GJA3: variants seen among roughly 807,000 people sequenced by gnomAD.
GJA3 encodes the protein gap junction protein alpha 3, also known as gap junction alpha-3 protein.
For missense variants in GJA3, 571 were observed against 620.3 expected, an observed-to-expected ratio of 0.92 and a Z score of 0.84; for synonymous variants, 297 against 292.6, an observed-to-expected ratio of 1.02 and a Z score of -0.15.
chr13:20,143,350 G>C (rs748193928), intron 1 of GJA3, 45 bp from the exon 2 acceptor site: 1 of 1,389,794 alleles, frequency 7.2e-7, no homozygotes, highest in Non-Finnish European at 9.6e-7. Flanking sequence ...CAACGGCTGA[G>C]TGCCGGGTCC....
chr13:20,151,171 C>T lies in GJA3; in HGVS notation c.-17-7866G>A, dbSNP rs187078264. 1.6e-3 allele frequency among the ~76,000 whole-genome samples: 242 copies of T among 152,106 alleles called. 1 individual carries two copies. The highest frequency in any genetic ancestry group is 5.1e-3 in the African/African-American group (211 of 41,514). On this transcript the variant is annotated intron_variant, in intron 1 of 1. Transcript: ENST00000241125. ...CCAGGAGGCAGTCAGTGAGGGCAGG[C>T]GTGGGCAGAAGGTCTCCAGAGTGCT...
intron 1 of GJA3, among the ~76,000 whole-genome samples, chr13:20,156,513 T>C (rs1958907905): frequency 6.6e-6 from 1 of 152,164 alleles, no homozygotes; most frequent in South Asian, 2.1e-4. Flanking sequence ...GGTTTCACCA[T>C]GTTGGCCAGG....
In GJA3 at chr13:20,156,542, C is replaced by T. The variant is rs1593340171; in HGVS notation, c.-18+4348G>A. ...GGCCAGGCTGGTCTTGAACTCCTGA[C>T]CTCAGGTGATCTGTGCACCCTGGCC... On this transcript the variant is annotated intron_variant, in intron 1 of 1. Coordinates refer to ENST00000241125, the MANE Select transcript of GJA3 (RefSeq NM_021954.4). 2.0e-5 allele frequency among the ~76,000 whole-genome samples: 3 copies of T among 152,252 alleles called. No homozygotes were observed. In the South Asian group the frequency reaches 6.2e-4, roughly 32 times the overall value.
intron 1 of GJA3, among the ~76,000 whole-genome samples, chr13:20,148,246 T>C (rs948049055): frequency 1.5e-5 from 2 of 135,842 alleles, no homozygotes; most frequent in Non-Finnish European, 3.1e-5. Flanking sequence ...TTACCAATAC[T>C]ATGGTTCTTT....
In GJA3 at chr13:20,148,739, C is replaced by T. The variant is rs148712741; in HGVS notation, c.-17-5434G>A. Among the ~76,000 whole-genome samples the T allele has an allele frequency of 2.3e-3, 356 of 152,344 alleles. 2 individuals carry two copies. Among genetic ancestry groups the T allele is most frequent in the Non-Finnish European group, 3.1e-3 (211 of 68,036 alleles). On this transcript the variant is annotated intron_variant, in intron 1 of 1. Transcript: ENST00000241125. ...CTGCTGAACCATGTGTCCTGAGTAC[C>T]GCTGGGCAGAGGAAAAGACGGGCTT...
At chr13:20,157,904 G>C (rs952908865) in intron 1 of GJA3, among the ~76,000 whole-genome samples, 1 of 150,824 alleles carries the variant, frequency 6.6e-6, no homozygotes, top group Admixed American at 6.6e-5. Context: ...CACACTTATG[G>C]CTTACTGCAG....
At position 20,146,866 on chromosome 13, in the gene GJA3, A is replaced by G. The variant is rs144931830; in HGVS notation, c.-17-3561T>C. Among the ~76,000 whole-genome samples, 218 of 152,366 alleles carry G rather than the reference A, an allele frequency of 1.4e-3. 3 individuals carry two copies. In the East Asian group the frequency reaches 0.035, roughly 25 times the overall value. On this transcript the variant is annotated intron_variant, in intron 1 of 1. Transcript: ENST00000241125. ...AACAGAAATGTCTGGTAGAGGATGAACAGTTCCCTGAGCAGTGCTGGCTGG... is the reference window on the plus strand; with the variant it reads ...AACAGAAATGTCTGGTAGAGGATGAGCAGTTCCCTGAGCAGTGCTGGCTGG...
intron 1 of GJA3, among the ~76,000 whole-genome samples, chr13:20,148,304 C>G (rs1958855982): frequency 7.5e-6 from 1 of 133,610 alleles, no homozygotes. Flanking sequence ...GTCGCTCAGG[C>G]TAAGGTGCAG....
intron 1 of GJA3, among the ~76,000 whole-genome samples, chr13:20,143,992 T>C (rs1196018900): frequency 1.3e-5 from 2 of 152,164 alleles, no homozygotes; most frequent in Non-Finnish European, 1.5e-5. Flanking sequence ...GTTGATACAG[T>C]CTATGGGATA....
intron 1 of GJA3, among the ~76,000 whole-genome samples, chr13:20,154,723 G>A (rs1958898213): frequency 6.6e-6 from 1 of 152,074 alleles, no homozygotes; most frequent in African/African-American, 2.4e-5. Context: ...TTGCTAAAAA[G>A]TTTGTTCTGT....
At chr13:20,148,582 C>G (rs1958857870) in intron 1 of GJA3, among the ~76,000 whole-genome samples, 1 of 152,118 alleles carries the variant, frequency 6.6e-6, no homozygotes, top group African/African-American at 2.4e-5. Flanking sequence ...TAATCATATT[C>G]CTAATATCAC....
rs1459106644 is a variant in GJA3, at chr13:20,141,594, C to T, written c.*387G>A. ...TGGGCCGCCCAGAGGCTCTGGAGAG[C>T]TTAGGAATAGCAAACCCAATTGCCC... On this transcript the variant is annotated 3_prime_UTR_variant, in exon 2 of 2. Coordinates refer to ENST00000241125, the MANE Select transcript of GJA3 (RefSeq NM_021954.4). 2 of 185,572 alleles carry T rather than the reference C, an allele frequency of 1.1e-5. No homozygotes were observed. Among genetic ancestry groups the T allele is most frequent in the African/African-American group, 4.7e-5 (2 of 42,408 alleles). The allele number at this position is 185,572 out of a possible 1,614,324, so 11.5% of individuals were successfully genotyped here. A position where few individuals can be genotyped will look rare whatever the true frequency, so the allele number is the denominator to read the frequency against.
At chr13:20,152,842 CTA>C (rs2141143814) in intron 1 of GJA3, among the ~76,000 whole-genome samples, 2 of 152,286 alleles carry the variant, frequency 1.3e-5, no homozygotes, top group African/African-American at 4.8e-5. Flanking sequence ...AGAAAGAGTT[CTA>C]TGTTTAACTA....
chr13:20,157,862 C>A (rs994370165), intron 1 of GJA3, among the ~76,000 whole-genome samples: 1 of 146,436 alleles, frequency 6.8e-6, no homozygotes. Flanking sequence ...TACTTCATCA[C>A]AAATTTGAAT....
At chr13:20,150,014 A>G (rs1958867308) in intron 1 of GJA3, among the ~76,000 whole-genome samples, 2 of 152,222 alleles carry the variant, frequency 1.3e-5, no homozygotes, top group Non-Finnish European at 2.9e-5. Flanking sequence ...GACGAATGGA[A>G]AAAAGAAGGG....
In GJA3 at chr13:20,142,375, G is replaced by A. The variant is rs1330142037; in HGVS notation, c.914C>T (p.Ala305Val). 3 of 1,528,026 alleles carry A rather than the reference G, an allele frequency of 2.0e-6. No individual in the cohort carries two copies. Among genetic ancestry groups the A allele is most frequent in the Non-Finnish European group, 1.8e-6 (2 of 1,137,670 alleles). The allele number at this position is 1,528,026 out of a possible 1,614,324, so 94.7% of individuals were successfully genotyped here. A position where few individuals can be genotyped will look rare whatever the true frequency, so the allele number is the denominator to read the frequency against. ...CTTGGCGGACTGGCCCTTTCCGCGC[G>A]CCTCGGTCAGGGCTAGCAGTTTGAA... Reference protein sequence around the residue: ...ADFKLLALTEARGKGQSAKLY... With the variant: ...ADFKLLALTEVRGKGQSAKLY... The change falls in exon 2 of 2, where the codon GCG becomes GTG. Residue 305 changes from alanine to valine, a missense_variant. By Grantham distance (64) the Ala-to-Val change is moderately conservative (BLOSUM62 0). Coordinates refer to ENST00000241125, the MANE Select transcript of GJA3 (RefSeq NM_021954.4).
intron 1 of GJA3, among the ~76,000 whole-genome samples, chr13:20,159,095 C>T (rs532038201): frequency 6.6e-6 from 1 of 151,862 alleles, no homozygotes; most frequent in Non-Finnish European, 1.5e-5. Context: ...TTTTTAGAGA[C>T]ATATATGCTG....
In GJA3 at chr13:20,142,250, A is replaced by T; in HGVS notation, c.1039T>A (p.Ser347Thr). Reference protein sequence around the residue: ...PPALKAYPAASTPAAPSPVGS... With the variant: ...PPALKAYPAATTPAAPSPVGS... Reference sequence around the variant, plus strand: ...ACGGGGCTGGGGGCTGCAGGCGTGGACGCTGCCGGGTAAGCCTTGAGCGCC... The same window carrying T: ...ACGGGGCTGGGGGCTGCAGGCGTGGTCGCTGCCGGGTAAGCCTTGAGCGCC... The change falls in exon 2 of 2, where the codon TCC becomes ACC. Residue 347 changes from serine to threonine, a missense_variant. Coordinates refer to ENST00000241125, the MANE Select transcript of GJA3 (RefSeq NM_021954.4). 7 of 1,543,190 alleles carry T rather than the reference A, an allele frequency of 4.5e-6. No individual in the cohort carries two copies. Among genetic ancestry groups the T allele is most frequent in the Non-Finnish European group, 5.2e-6 (6 of 1,149,282 alleles).
At chr13:20,157,120 T>C (rs2141146025) in intron 1 of GJA3, among the ~76,000 whole-genome samples, 1 of 152,348 alleles carries the variant, frequency 6.6e-6, no homozygotes, top group East Asian at 1.9e-4. Context: ...GTTTTAGTCC[T>C]CAAAGTTTTA....
Sources: allele counts gnomAD v4.1 joint callset (sites outside exome capture counted in the v4.1 genomes callset), GRCh38; gene constraint gnomAD v4.1.1; transcripts MANE v1.5; gene names NCBI Gene and HGNC (gene_info 2026-07-23, HGNC 2026-07-21).